GRM1: variants seen among roughly 807,000 people sequenced by gnomAD.
GRM1 encodes the protein glutamate metabotropic receptor 1.
In GRM1, 33 loss-of-function variants were observed where a neutral mutation model predicts 90.9. The ratio of observed to expected loss-of-function variants is 0.36; its 90% CI spans 0.28 to 0.49. The LOEUF is 0.49. GRM1 is among the 20% of genes least tolerant of loss of function. The pLI is 0.99. For missense variants in GRM1, 1,190 were observed against 1,534.3 expected (o/e 0.78, Z 3.75); for synonymous variants, 700 against 613.2 (o/e 1.14, Z -2.09).
At chr6:146,283,281 A>G (rs1241995896) in intron 2 of GRM1, among the ~76,000 whole-genome samples, 5 of 152,228 alleles carry the variant, frequency 3.3e-5, no homozygotes, top group Admixed American at 3.3e-4. Flanking sequence ...TGTTATAATT[A>G]AAGAATGAAA....
upstream of GRM1, among the ~76,000 whole-genome samples, chr6:146,028,232 A>AGTGTGTGTGTGTGT (rs60190108): frequency 2.3e-5 from 3 of 130,362 alleles, no homozygotes; most frequent in Admixed American, 7.7e-5. Context: ...AGTGGAAGGG[A>AGTGTGTGTGTGTGT]GTGTGTGTGT....
At chr6:146,164,335 G>A (rs1041267637) in intron 2 of GRM1, among the ~76,000 whole-genome samples, 20 of 152,004 alleles carry the variant, frequency 1.3e-4, no homozygotes, top group African/African-American at 4.6e-4. Context: ...ACATATATAG[G>A]TATTGAATTG....
intron 2 of GRM1, among the ~76,000 whole-genome samples, chr6:146,266,525 T>A (rs1211290142): frequency 6.6e-6 from 1 of 152,176 alleles, no homozygotes; most frequent in Non-Finnish European, 1.5e-5. Flanking sequence ...AGTCTTTTCT[T>A]TAATATCAGC....
chr6:146,437,354 T>C lies in GRM1; in HGVS notation c.*2558T>C, dbSNP rs1308731008. On this transcript the variant is annotated 3_prime_UTR_variant, in exon 8 of 8. Coordinates refer to ENST00000282753, the MANE Select transcript of GRM1 (RefSeq NM_001278064.2). ...ACTGTGATCACTTTATTACTCTGAA[T>C]GCCTACTATTATCCTGATTATGGGG... The C allele has an allele frequency of 6.6e-6, 1 of 152,642 alleles. No individual in the cohort carries two copies. The highest frequency in any genetic ancestry group is 1.5e-5 in the Non-Finnish European group (1 of 68,040). 9.5% of individuals were successfully genotyped at this position (152,642 alleles called of 1,614,324 possible). A position where few individuals can be genotyped will look rare whatever the true frequency, so the allele number is the denominator to read the frequency against.
At chr6:146,048,608 G>A (rs1043539473) in intron 1 of GRM1, among the ~76,000 whole-genome samples, 8 of 151,900 alleles carry the variant, frequency 5.3e-5, no homozygotes, top group African/African-American at 1.9e-4. Context: ...GAAAATACGA[G>A]CTTTACAAAG....
intron 2 of GRM1, among the ~76,000 whole-genome samples, chr6:146,301,968 T>C (rs532854514): frequency 6.6e-5 from 10 of 152,192 alleles, no homozygotes; most frequent in South Asian, 2.1e-4. Context: ...ATGACCTGAT[T>C]GAGTAATAGG....
At chr6:146,210,264 A>G (rs1295145004) in intron 2 of GRM1, among the ~76,000 whole-genome samples, 1 of 152,190 alleles carries the variant, frequency 6.6e-6, no homozygotes, top group African/African-American at 2.4e-5. Flanking sequence ...TCCTAAATCT[A>G]TGTTCTTGAA....
intron 3 of GRM1, among the ~76,000 whole-genome samples, chr6:146,330,383 T>G (rs1409895226): frequency 3.9e-5 from 6 of 152,144 alleles, no homozygotes; most frequent in African/African-American, 9.7e-5. Flanking sequence ...CAATGTAAAA[T>G]TATAATGGAA....
At chr6:146,185,598 G>A (rs1778705173) in intron 2 of GRM1, among the ~76,000 whole-genome samples, 1 of 152,172 alleles carries the variant, frequency 6.6e-6, no homozygotes, top group African/African-American at 2.4e-5. Context: ...ACAGCTTAAG[G>A]ATTAATTTAA....
chr6:146,284,620 T>A (rs530856345), intron 2 of GRM1, among the ~76,000 whole-genome samples: 1 of 152,300 alleles, frequency 6.6e-6, no homozygotes, highest in African/African-American at 2.4e-5. Flanking sequence ...TCCCCCATGC[T>A]GTTCTTGTGA....
intron 1 of GRM1, among the ~76,000 whole-genome samples, chr6:146,140,411 G>A (rs1186791389): frequency 2.6e-5 from 4 of 151,996 alleles, no homozygotes; most frequent in East Asian, 3.9e-4. Flanking sequence ...TGGAATTACA[G>A]GCATGCACCA....
At chr6:146,422,782 A>G (rs564439405) in intron 7 of GRM1, among the ~76,000 whole-genome samples, 1 of 152,354 alleles carries the variant, frequency 6.6e-6, no homozygotes, top group Non-Finnish European at 1.5e-5. Flanking sequence ...TGAGTTAAGT[A>G]TCTCTCAAAG....
intron 1 of GRM1, among the ~76,000 whole-genome samples, chr6:146,048,442 GCCATTAAAA>G (rs1311130765): frequency 5.9e-5 from 9 of 151,936 alleles, no homozygotes; most frequent in Non-Finnish European, 8.8e-5. Context: ...CAAAACATAT[GCCATTAAAA>G]CCATTAAAAC....
rs961948397 is a variant in GRM1, at chr6:146,384,793, G to T, written c.1603-2097G>T. Among the ~76,000 whole-genome samples, 8 of 151,822 alleles carry T rather than the reference G, an allele frequency of 5.3e-5. No homozygotes were observed. The South Asian group carries it at 1.5e-3, about 28-fold the overall frequency. Reference sequence around the variant, plus strand: ...ACATAAATATAAAAAGAAGAAAAATGACAATATAAAAAATAACATATTAGA... The same window carrying T: ...ACATAAATATAAAAAGAAGAAAAATTACAATATAAAAAATAACATATTAGA... On this transcript the variant is annotated intron_variant, in intron 5 of 7. Transcript: ENST00000282753.
chr6:146,415,877 A>G (rs75175722), intron 7 of GRM1, among the ~76,000 whole-genome samples: 1,953 of 152,212 alleles, frequency 0.013, 47 homozygotes, highest in African/African-American at 0.045. Flanking sequence ...ATATTTTTCT[A>G]TGTTACTGGG....
chr6:146,284,309 C>T (rs1394141197), intron 2 of GRM1, among the ~76,000 whole-genome samples: 1 of 152,160 alleles, frequency 6.6e-6, no homozygotes, highest in Non-Finnish European at 1.5e-5. Flanking sequence ...AAAATATCAT[C>T]CAAAGCCATT....
intron 2 of GRM1, among the ~76,000 whole-genome samples, chr6:146,301,966 A>C (rs767472661): frequency 1.3e-5 from 2 of 152,072 alleles, no homozygotes; most frequent in Non-Finnish European, 2.9e-5. Context: ...GAATGACCTG[A>C]TTGAGTAATA....
chr6:146,086,214 T>C (rs1347458534), intron 1 of GRM1, among the ~76,000 whole-genome samples: 1 of 152,122 alleles, frequency 6.6e-6, no homozygotes, highest in East Asian at 1.9e-4. Flanking sequence ...AAAGGCTAAA[T>C]TAGTTATTTG....
intron 1 of GRM1, among the ~76,000 whole-genome samples, chr6:146,139,587 T>A (rs940320440): frequency 3.9e-5 from 6 of 152,220 alleles, no homozygotes; most frequent in African/African-American, 1.4e-4. Flanking sequence ...CTTTTTATAG[T>A]TTTTGTCTTG....
Sources: gnomAD v4.1 joint callset for allele counts (sites outside exome capture counted in the v4.1 genomes callset) on GRCh38, gnomAD v4.1.1 for gene constraint, MANE v1.5 for transcripts, NCBI Gene and HGNC (gene_info 2026-07-23, HGNC 2026-07-21) for gene names.